The following DNAL1 variants were observed in gnomAD, a reference collection of about 807,000 sequenced individuals.
DNAL1 encodes chromosome 14 open reading frame 168.
A neutral mutation model predicts 29.4 loss-of-function variants in DNAL1; 17 were observed. That is an observed-to-expected ratio of 0.58 (90% confidence interval 0.40 to 0.87). The LOEUF (loss-of-function observed/expected upper bound fraction) is 0.87, where lower values mean the gene tolerates loss of function less well. Among genes scored for constraint, DNAL1 ranks in the 40% least tolerant of loss-of-function variants. DNAL1 has a pLI of 0.00. For missense variants in DNAL1, 188 were observed against 214.1 expected, an observed-to-expected ratio of 0.88 and a Z score of 0.76; for synonymous variants, 78 against 76.3, an observed-to-expected ratio of 1.02 and a Z score of -0.12.
chr14:73,659,036 T>C, intron 3 of DNAL1, 80 bp downstream of exon 3: 3 of 1,046,220 alleles, frequency 2.9e-6, no homozygotes, highest in Non-Finnish European at 2.7e-6. Flanking sequence ...GGAAAATATG[T>C]TTGTTTTCTG....
At chr14:73,672,217 A>G (rs1830266212) in intron 5 of DNAL1, among the ~76,000 whole-genome samples, 1 of 152,228 alleles carries the variant, frequency 6.6e-6, no homozygotes. Context: ...GAATTATCTC[A>G]AATTTGTTAG....
In DNAL1 at chr14:73,689,491, G is replaced by C; in HGVS notation, c.508G>C (p.Val170Leu). 6.3e-7 allele frequency: 1 copy of C among 1,587,682 alleles called. No individual in the cohort carries two copies. Reference sequence around the variant, plus strand: ...CTGGATTGAAGAAGCAACCAAGAGAGTGCCCAAACTGAAAAAGCTGGATGG... The same window carrying C: ...CTGGATTGAAGAAGCAACCAAGAGACTGCCCAAACTGAAAAAGCTGGATGG... ...NNWIEEATKR[V>L]PKLKKLDGTP... The change falls in exon 7 of 8, where the codon GTG becomes CTG. Residue 170 changes from valine to leucine, a missense_variant. Transcript: ENST00000553645.
intron 1 of DNAL1, among the ~76,000 whole-genome samples, chr14:73,649,162 A>T (rs1473562067): frequency 6.6e-6 from 1 of 150,934 alleles, no homozygotes; most frequent in Non-Finnish European, 1.5e-5. Flanking sequence ...TTTAGTAGAG[A>T]CGGGGGTCTC....
At chr14:73,649,810 G>C (rs1169909454) in intron 1 of DNAL1, among the ~76,000 whole-genome samples, 1 of 151,960 alleles carries the variant, frequency 6.6e-6, no homozygotes, top group African/African-American at 2.4e-5. Flanking sequence ...ATTGGTTCCA[G>C]GACTCCCTAG....
rs1026959667 is a variant in DNAL1 at position 73,647,380 on chromosome 14, A to G, written c.3+2338A>G. ...ACTCTGTCTCAAAAAAAAAAAAAAAAAGAAAAAGAAAAAGAAAAAGAAATA... is the reference window on the plus strand; with the variant it reads ...ACTCTGTCTCAAAAAAAAAAAAAAAGAGAAAAAGAAAAAGAAAAAGAAATA... On this transcript the variant is annotated intron_variant, in intron 1 of 7. Transcript: ENST00000553645. Among the ~76,000 whole-genome samples, 50 of 105,872 alleles carry G rather than the reference A, an allele frequency of 4.7e-4. 1 individual carries two copies. Among genetic ancestry groups the G allele is most frequent in the South Asian group, 1.8e-3 (3 of 1,676 alleles). The allele number at this position is 105,872 out of a possible 152,430, so 69.5% of individuals were successfully genotyped here.
At chr14:73,680,841 C>T (rs970190738) in intron 5 of DNAL1, among the ~76,000 whole-genome samples, 11 of 152,112 alleles carry the variant, frequency 7.2e-5, no homozygotes, top group African/African-American at 2.4e-4. Flanking sequence ...TGCTCCTAGG[C>T]GACAAACCTG....
intron 1 of DNAL1, among the ~76,000 whole-genome samples, chr14:73,650,640 ATTT>A (rs999032696): frequency 1.1e-4 from 16 of 151,656 alleles, no homozygotes; most frequent in Admixed American, 9.9e-4. Context: ...CTTTTTATTT[ATTT>A]TTTATTTTAT....
intron 5 of DNAL1, among the ~76,000 whole-genome samples, chr14:73,682,880 TTTTTTTTTTTTTTTAG>T (rs909396631): frequency 6.7e-6 from 1 of 148,994 alleles, no homozygotes; most frequent in Non-Finnish European, 1.5e-5. Context: ...TTTTTTTTTT[TTTTTTTTTTTTTTTAG>T]TTGGAGTTTC....
chr14:73,688,976 G>T (rs1317701555), intron 6 of DNAL1, among the ~76,000 whole-genome samples: 1 of 150,598 alleles, frequency 6.6e-6, no homozygotes, highest in South Asian at 2.1e-4. Flanking sequence ...CAAACTGAGG[G>T]TTAATGATAT....
intron 1 of DNAL1, among the ~76,000 whole-genome samples, chr14:73,649,164 G>C (rs1459605739): frequency 6.6e-6 from 1 of 151,076 alleles, no homozygotes; most frequent in South Asian, 2.1e-4. Flanking sequence ...TAGTAGAGAC[G>C]GGGGTCTCCC....
intron 2 of DNAL1, among the ~76,000 whole-genome samples, chr14:73,655,636 C>T (rs1479890747): frequency 3.3e-5 from 5 of 151,862 alleles, no homozygotes; most frequent in East Asian, 1.9e-4. Context: ...AGTGAACCAC[C>T]GCGCCCGGCC....
chr14:73,659,736 TTAC>T (rs1335172429), intron 3 of DNAL1: 1 of 151,954 alleles, frequency 6.6e-6, no homozygotes, highest in Non-Finnish European at 1.5e-5. Flanking sequence ...CTGTATTTTC[TTAC>T]TACATGCCTA....
intron 4 of DNAL1, among the ~76,000 whole-genome samples, chr14:73,662,425 A>G (rs1891377899): frequency 1.3e-5 from 2 of 152,098 alleles, no homozygotes; most frequent in African/African-American, 2.4e-5. Context: ...CCTCCCTCCC[A>G]GTTGCCAAGG....
intron 7 of DNAL1, among the ~76,000 whole-genome samples, chr14:73,692,797 A>G (rs1892205765): frequency 6.6e-6 from 1 of 151,406 alleles, no homozygotes. Flanking sequence ...AAACTTGCCC[A>G]TTTTTGTTTC....
At chr14:73,659,757 C>A (rs1433090114) in intron 3 of DNAL1, 1 of 151,572 alleles carries the variant, frequency 6.6e-6, no homozygotes, top group African/African-American at 2.4e-5. Flanking sequence ...CTAAGAGATA[C>A]CCCTTAAAAA....
chr14:73,668,043 G>A (rs1216289363), intron 4 of DNAL1, among the ~76,000 whole-genome samples: 1 of 152,116 alleles, frequency 6.6e-6, no homozygotes, highest in Admixed American at 6.5e-5. Context: ...TGTACTTGAA[G>A]TTCTCTTGCG....
At chr14:73,681,605 CAAA>C (rs71112792) in intron 5 of DNAL1, among the ~76,000 whole-genome samples, 749 of 51,504 alleles carry the variant, frequency 0.015, 2 homozygotes, top group Middle Eastern at 0.024. Context: ...CCATCTCTAC[CAAA>C]AAAAAAAAAA....
chr14:73,685,456 CTTAATT>C (rs2140056735), intron 5 of DNAL1, among the ~76,000 whole-genome samples: 1 of 148,178 alleles, frequency 6.7e-6, no homozygotes, highest in African/African-American at 2.5e-5. Context: ...TTCCTTTCTG[CTTAATT>C]TTTTTTTTTT....
At chr14:73,645,888 C>T (rs1396939606) in intron 1 of DNAL1, among the ~76,000 whole-genome samples, 2 of 152,168 alleles carry the variant, frequency 1.3e-5, no homozygotes. Context: ...CCAGCCAGAG[C>T]TATTGAGCAA....
Sources: gnomAD v4.1 joint callset for allele counts (sites outside exome capture counted in the v4.1 genomes callset) on GRCh38, gnomAD v4.1.1 for gene constraint, MANE v1.5 for transcripts, NCBI Gene and HGNC (gene_info 2026-07-23, HGNC 2026-07-21) for gene names.